The following LARGE1 variants were observed in gnomAD, a reference collection of about 807,000 sequenced individuals.
LARGE1 encodes LARGE xylosyl- and glucuronyltransferase 1, also known as xylosyl- and glucuronyltransferase LARGE1.
LARGE1 carries 43 observed loss-of-function variants against 87.6 expected under a neutral mutation model. The observed-to-expected ratio is 0.49, with a 90% CI of 0.38 to 0.63. The LOEUF (loss-of-function observed/expected upper bound fraction) is 0.63. Ranked by LOEUF, LARGE1 falls within the 30% of genes least tolerant of loss-of-function variation. The probability of loss-of-function intolerance (pLI) is 0.00; values close to 1 mark genes in which losing one functional copy is unlikely to be tolerated. For synonymous variants in LARGE1, 434 were observed against 394.6 expected, an observed-to-expected ratio of 1.10 and a Z score of -1.18; for missense variants, 802 against 1,000.2, an observed-to-expected ratio of 0.80 and a Z score of 2.67.
intron 14 of LARGE1, among the ~76,000 whole-genome samples, chr22:33,276,352 A>T (rs1231557583): frequency 2.0e-5 from 3 of 152,220 alleles, no homozygotes; most frequent in Non-Finnish European, 1.5e-5. Context: ...TTTTGTACAC[A>T]AAGTTTTATT....
intron 2 of LARGE1, among the ~76,000 whole-genome samples, chr22:33,658,456 A>G (rs1232389990): frequency 6.6e-6 from 1 of 152,054 alleles, no homozygotes; most frequent in South Asian, 2.1e-4. Flanking sequence ...CAACTCCCCA[A>G]CAGGCCCCAG....
At chr22:33,781,657 G>C (rs1451119834) in intron 1 of LARGE1, among the ~76,000 whole-genome samples, 1 of 152,142 alleles carries the variant, frequency 6.6e-6, no homozygotes, top group Non-Finnish European at 1.5e-5. Context: ...ATGTCAACTG[G>C]TCTACCCCAG....
intron 2 of LARGE1, among the ~76,000 whole-genome samples, chr22:33,729,766 A>G (rs1375253986): frequency 5.3e-5 from 8 of 152,254 alleles, no homozygotes; most frequent in Non-Finnish European, 7.3e-5. Context: ...CTTGGTTCCT[A>G]CAGTTGCAAA....
chr22:33,754,921 G>C (rs1375322764), intron 2 of LARGE1, among the ~76,000 whole-genome samples: 9 of 152,134 alleles, frequency 5.9e-5, no homozygotes, highest in African/African-American at 2.2e-4. Flanking sequence ...CTGAGGGATG[G>C]GGGAGCAGAC....
chr22:33,530,514 T>C (rs1209458316), intron 6 of LARGE1, among the ~76,000 whole-genome samples: 1 of 151,912 alleles, frequency 6.6e-6, no homozygotes, highest in African/African-American at 2.4e-5. Flanking sequence ...ATACTGTTTT[T>C]ATATTTTCCT....
intron 6 of LARGE1, among the ~76,000 whole-genome samples, chr22:33,541,674 C>T (rs940367945): frequency 6.6e-6 from 1 of 151,070 alleles, no homozygotes; most frequent in African/African-American, 2.4e-5. Context: ...TCTTTTTGTG[C>T]TGACTGCCCT....
chr22:33,354,972 ATTAAC>A (rs965215840), intron 9 of LARGE1, among the ~76,000 whole-genome samples: 2 of 152,218 alleles, frequency 1.3e-5, no homozygotes, highest in African/African-American at 4.8e-5. Flanking sequence ...TTATTACTAA[ATTAAC>A]TTAAAATTAC....
chr22:33,719,777 C>A (rs927093355), intron 2 of LARGE1, among the ~76,000 whole-genome samples: 4 of 152,126 alleles, frequency 2.6e-5, no homozygotes, highest in Admixed American at 6.5e-5. Context: ...GCCTTGGCCT[C>A]CCAAAGTACT....
intron 7 of LARGE1, among the ~76,000 whole-genome samples, chr22:33,408,525 A>G (rs1334200415): frequency 6.6e-6 from 1 of 151,988 alleles, no homozygotes; most frequent in African/African-American, 2.4e-5. Context: ...GCCTTCCCCT[A>G]TTTATCAGGG....
intron 7 of LARGE1, among the ~76,000 whole-genome samples, chr22:33,399,712 C>T (rs185315486): frequency 0.014 from 2,091 of 152,222 alleles, 19 homozygotes; most frequent in Non-Finnish European, 0.022. Flanking sequence ...CCATGCCCGG[C>T]TAATTTTTTG....
intron 5 of LARGE1, among the ~76,000 whole-genome samples, chr22:33,574,400 G>T (rs1418352820): frequency 6.6e-6 from 1 of 151,756 alleles, no homozygotes; most frequent in African/African-American, 2.4e-5. Flanking sequence ...ATACTGTATT[G>T]TTTTGGGAAT....
At chr22:33,749,128 T>C (rs2084215274) in intron 2 of LARGE1, among the ~76,000 whole-genome samples, 1 of 152,232 alleles carries the variant, frequency 6.6e-6, no homozygotes, top group Non-Finnish European at 1.5e-5. Flanking sequence ...CTCCTCTTTT[T>C]TTTGAGATGG....
At chr22:33,536,699 G>A (rs766833781) in intron 6 of LARGE1, among the ~76,000 whole-genome samples, 20 of 152,236 alleles carry the variant, frequency 1.3e-4, no homozygotes, top group Non-Finnish European at 2.1e-4. Context: ...AGGTTTACCC[G>A]ATGAGGCTGC....
At position 33,620,927 on chromosome 22, in the gene LARGE1, C is replaced by CAA. The variant is rs11368811; in HGVS notation, c.491+5315_491+5316dup. ...TGGATGACAGGACAAGAATCTGTCT[C>CAA]AAAAAAAACAAGATTACCTTTATTT... On this transcript the variant is annotated intron_variant, in intron 4 of 14. Transcript: ENST00000397394. 1.6e-4 allele frequency among the ~76,000 whole-genome samples: 24 copies of CAA among 151,562 alleles called. 1 individual carries two copies. The highest frequency in any genetic ancestry group is 8.4e-4 in the South Asian group (4 of 4,760).
intron 2 of LARGE1, among the ~76,000 whole-genome samples, chr22:33,663,607 G>A (rs1461058943): frequency 6.6e-6 from 1 of 152,174 alleles, no homozygotes; most frequent in Non-Finnish European, 1.5e-5. Flanking sequence ...CCACCTGAGG[G>A]ACTGATCTCA....
chr22:33,176,245 C>T (rs1269571686), intron 11 of LARGE1, among the ~76,000 whole-genome samples: 1 of 152,118 alleles, frequency 6.6e-6, no homozygotes, highest in Non-Finnish European at 1.5e-5. Context: ...TAGGCATGGG[C>T]AAAGACTTCA....
chr22:33,253,908 G>GTT (rs536060752), intron 11 of LARGE1, among the ~76,000 whole-genome samples: 4,734 of 143,160 alleles, frequency 0.033, 99 homozygotes, highest in East Asian at 0.05. Context: ...TTCCTTCTTG[G>GTT]TTTTTTTTTT....
intron 1 of LARGE1, among the ~76,000 whole-genome samples, chr22:33,850,362 C>T (rs1007805311): frequency 1.3e-5 from 2 of 152,128 alleles, no homozygotes; most frequent in Non-Finnish European, 2.9e-5. Context: ...TTAAGTCTTC[C>T]GCACTTGAGG....
intron 2 of LARGE1, among the ~76,000 whole-genome samples, chr22:33,726,569 T>C (rs1489658771): frequency 2.0e-5 from 3 of 152,362 alleles, no homozygotes; most frequent in Non-Finnish European, 2.9e-5. Context: ...TGTCTTATGA[T>C]ATACTCCTCC....
Sources: allele counts gnomAD v4.1 joint callset (sites outside exome capture counted in the v4.1 genomes callset), GRCh38; gene constraint gnomAD v4.1.1; transcripts MANE v1.5; gene names NCBI Gene and HGNC (gene_info 2026-07-23, HGNC 2026-07-21).